Variants in MYL3 observed in about 807,000 individuals in gnomAD.
The protein encoded by MYL3 is CMLC1.
Under a neutral mutation model 21.3 loss-of-function variants are expected in MYL3, and 11 were observed. That is an observed-to-expected ratio of 0.52 (90% CI 0.32 to 0.85). MYL3 has a LOEUF of 0.85. Among genes scored for constraint, MYL3 ranks in the 40% least tolerant of loss-of-function variants. MYL3 has a pLI of 0.03. For missense variants in MYL3, 206 were observed against 253.3 expected (o/e 0.81, Z 1.27); for synonymous variants, 88 against 91.6 (o/e 0.96, Z 0.22).
In MYL3 at chr3:46,861,980, T is replaced by C. The variant is rs999284088; in HGVS notation, c.130-993A>G. Among the ~76,000 whole-genome samples the C allele has an allele frequency of 2.0e-5, 3 of 152,186 alleles. No individual in the cohort carries two copies. Among genetic ancestry groups the C allele is most frequent in the Non-Finnish European group, 4.4e-5 (3 of 68,020 alleles). Reference sequence around the variant, plus strand: ...ACCCAGTGTTGGGAAGAACAGGTTGTCATTCCTGGCTCCCTGAGAGCTCTC... The same window carrying C: ...ACCCAGTGTTGGGAAGAACAGGTTGCCATTCCTGGCTCCCTGAGAGCTCTC... On this transcript the variant is annotated intron_variant, in intron 1 of 6. Transcript: ENST00000292327. The surrounding 1 kb of genome is among the most constrained non-coding windows in gnomAD (Gnocchi z 4.2).
Position 46,874,144 on chromosome 3 carries a change from C to T in MYL3, c.-217-7544G>A, listed in dbSNP as rs1217190759. Among the ~76,000 whole-genome samples, 2 of 152,220 alleles carry T rather than the reference C, an allele frequency of 1.3e-5. No individual in the cohort carries two copies. Among genetic ancestry groups the T allele is most frequent in the Non-Finnish European group, 2.9e-5 (2 of 68,042 alleles). On this transcript the variant is annotated intron_variant, in intron 1 of 3. Transcript: ENST00000431168. The surrounding 1 kb of genome is among the most constrained non-coding windows in gnomAD (Gnocchi z 4.1). Reference sequence around the variant, plus strand: ...TCTCTGGATGTCGCTTTCCCATACACGGTTTTATAAACTTCCCTGAGTGCT... The same window carrying T: ...TCTCTGGATGTCGCTTTCCCATACATGGTTTTATAAACTTCCCTGAGTGCT...
At position 46,874,481 on chromosome 3, in the gene MYL3, A is replaced by T. The variant is rs545744810; in HGVS notation, c.-218+7593T>A. ...CTCCCGGCCACAGCCCCCGGCAAGG[A>T]CCCAGTGTCTGAGCTAACCCCCTCC... On this transcript the variant is annotated intron_variant, in intron 1 of 3. Transcript: ENST00000431168. The surrounding 1 kb of genome is among the most constrained non-coding windows in gnomAD (Gnocchi z 4.1). 9.9e-3 allele frequency among the ~76,000 whole-genome samples: 1,499 copies of T among 152,162 alleles called. 12 individuals carry two copies. The highest frequency in any genetic ancestry group is 0.018 in the Non-Finnish European group (1,211 of 67,990).
chr3:46,875,794 CGT>C (rs2030175975), intron 1 of MYL3, among the ~76,000 whole-genome samples: 1 of 152,250 alleles, frequency 6.6e-6, no homozygotes, highest in South Asian at 2.1e-4. Flanking sequence ...GGCATCCAGG[CGT>C]TCTGAACCTC....
intron 1 of MYL3, among the ~76,000 whole-genome samples, chr3:46,862,193 T>C (rs537164019): frequency 6.6e-6 from 1 of 152,324 alleles, no homozygotes; most frequent in African/African-American, 2.4e-5. Context: ...GCCGTGGCTG[T>C]GGTCACAGCC....
At position 46,875,261 on chromosome 3, in the gene MYL3, C is replaced by T. The variant is rs538447212; in HGVS notation, c.-218+6813G>A. The stretch of plus-strand genomic sequence containing the variant: ...ACACTGAGGGATGCAGACCTGAGGG[C>T]CCCATCCCTCAGCATCCAATCCCAG... On this transcript the variant is annotated intron_variant, in intron 1 of 3. Coordinates refer to the MYL3 transcript ENST00000431168. Among the ~76,000 whole-genome samples the T allele has an allele frequency of 3.9e-5, 6 of 152,288 alleles. No individual in the cohort carries two copies. The South Asian group carries it at 1.2e-3, about 32-fold the overall frequency.
In MYL3 at chr3:46,860,165, G is replaced by A. The variant is rs941220348; in HGVS notation, c.307+511C>T. Among the ~76,000 whole-genome samples, 7 of 150,748 alleles carry A rather than the reference G, an allele frequency of 4.6e-5. No individual in the cohort carries two copies. The highest frequency in any genetic ancestry group is 5.9e-5 in the Non-Finnish European group (4 of 67,810). On this transcript the variant is annotated intron_variant, in intron 3 of 6. Transcript: ENST00000292327. The surrounding 1 kb of genome is among the most constrained non-coding windows in gnomAD (Gnocchi z 4.6). ...TTTAGACACGAGGTCTTCTTGTTAC[G>A]TCACACAGACTGGAGTACAGTGGTG...
chr3:46,872,484 C>A (rs555492612), intron 1 of MYL3, among the ~76,000 whole-genome samples: 133 of 151,934 alleles, frequency 8.8e-4, no homozygotes, highest in African/African-American at 3.2e-3. Flanking sequence ...GCTCGTGGCC[C>A]CTGCCCCACC....
chr3:46,868,653 G>A (rs1702073292), intron 1 of MYL3, among the ~76,000 whole-genome samples: 1 of 152,192 alleles, frequency 6.6e-6, no homozygotes, highest in African/African-American at 2.4e-5. Context: ...GGAGGGGTGG[G>A]CAGGCAGAAG....
chr3:46,872,167 C>T (rs975216105), intron 1 of MYL3, among the ~76,000 whole-genome samples: 2 of 152,210 alleles, frequency 1.3e-5, no homozygotes, highest in East Asian at 3.8e-4. Context: ...TCAGCCTGTG[C>T]CCCTGGCCAG....
At position 46,871,454 on chromosome 3, in the gene MYL3, G is replaced by A. The variant is rs546488777; in HGVS notation, c.-217-4854C>T. Among the ~76,000 whole-genome samples the A allele has an allele frequency of 4.6e-5, 7 of 152,214 alleles. No individual in the cohort carries two copies. In the South Asian group the frequency reaches 8.3e-4, roughly 18 times the overall value. On this transcript the variant is annotated intron_variant, in intron 1 of 3. Transcript: ENST00000431168. ...TGGCACATCCGGGCCAGATAAGGAC[G>A]GGGTCAGAGCTTGGCTCTCGTGGGA...
Position 46,859,332 on chromosome 3 carries a change from A to G in MYL3, c.481+143T>C. ...TTGCTTTACTCTCCTCCTAAGTAACATTTCTGTTGTCTGCCATTGAGGCTC... is the reference window on the plus strand; with the variant it reads ...TTGCTTTACTCTCCTCCTAAGTAACGTTTCTGTTGTCTGCCATTGAGGCTC... On this transcript the variant is annotated intron_variant, in intron 4 of 6. Coordinates refer to ENST00000292327, the MANE Select transcript of MYL3 (RefSeq NM_000258.3). This position sits in a 1 kb window ranked among gnomAD's most constrained non-coding sequence, Gnocchi z 4.1. 9.4e-7 allele frequency: 1 copy of G among 1,063,208 alleles called. No individual in the cohort carries two copies. Among genetic ancestry groups the G allele is most frequent in the African/African-American group, 1.6e-5 (1 of 64,292 alleles). The allele number at this position is 1,063,208 out of a possible 1,614,324, so 65.9% of individuals were successfully genotyped here.
upstream of MYL3, among the ~76,000 whole-genome samples, chr3:46,868,251 C>G (rs1702068132): frequency 6.6e-6 from 1 of 152,210 alleles, no homozygotes; most frequent in East Asian, 1.9e-4. Context: ...GTCCCTGCTC[C>G]TCTTGGCCTC....
At position 46,874,263 on chromosome 3, in the gene MYL3, C is replaced by G. The variant is rs2030069601; in HGVS notation, c.-217-7663G>C. Among the ~76,000 whole-genome samples, 2 of 152,194 alleles carry G rather than the reference C, an allele frequency of 1.3e-5. No individual in the cohort carries two copies. Among genetic ancestry groups the G allele is most frequent in the South Asian group, 4.1e-4 (2 of 4,832 alleles). On this transcript the variant is annotated intron_variant, in intron 1 of 3. Coordinates refer to the MYL3 transcript ENST00000431168. The surrounding 1 kb of genome is among the most constrained non-coding windows in gnomAD (Gnocchi z 4.1). ...TGGCCAGGCAGACACAACCCTGATTCCAGCCCTAGAGACATTCCCAGTGTC... is the reference window on the plus strand; with the variant it reads ...TGGCCAGGCAGACACAACCCTGATTGCAGCCCTAGAGACATTCCCAGTGTC...
upstream of MYL3, among the ~76,000 whole-genome samples, chr3:46,866,851 C>T (rs1161106614): frequency 2.0e-5 from 3 of 152,280 alleles, no homozygotes; most frequent in East Asian, 5.8e-4. Context: ...CCAATTCAGG[C>T]GTGCTCTTCA....
intron 1 of MYL3, among the ~76,000 whole-genome samples, chr3:46,881,729 A>T (rs946538600): frequency 4.0e-5 from 6 of 151,120 alleles, no homozygotes; most frequent in Non-Finnish European, 8.9e-5. Flanking sequence ...GTGGGGCTGG[A>T]CGTGGGGGAG....
chr3:46,860,455 C>G lies in MYL3; in HGVS notation c.307+221G>C, dbSNP rs1382396412. Among the ~76,000 whole-genome samples, 2 of 152,190 alleles carry G rather than the reference C, an allele frequency of 1.3e-5. No homozygotes were observed. Among genetic ancestry groups the G allele is most frequent in the Non-Finnish European group, 2.9e-5 (2 of 68,024 alleles). On this transcript the variant is annotated intron_variant, in intron 3 of 6. Coordinates refer to ENST00000292327, the MANE Select transcript of MYL3 (RefSeq NM_000258.3). The surrounding 1 kb of genome is among the most constrained non-coding windows in gnomAD (Gnocchi z 4.6). ...CTTCTCCATAGGTGTCAGCGCCTACCACCAGGGGGCCTGGCAAATCAGCAT... is the reference window on the plus strand; with the variant it reads ...CTTCTCCATAGGTGTCAGCGCCTACGACCAGGGGGCCTGGCAAATCAGCAT...
chr3:46,873,727 C>T (rs2030030177), intron 1 of MYL3, among the ~76,000 whole-genome samples: 1 of 152,190 alleles, frequency 6.6e-6, no homozygotes, highest in Admixed American at 6.5e-5. Context: ...ACAGCCCCCA[C>T]ACCAGCTCAG....
At chr3:46,870,461 C>G (rs1407791130) in intron 1 of MYL3, among the ~76,000 whole-genome samples, 1 of 149,640 alleles carries the variant, frequency 6.7e-6, no homozygotes, top group Non-Finnish European at 1.5e-5. Flanking sequence ...CCCTTGCAGA[C>G]CCCACCTAGC....
chr3:46,874,175 T>C lies in MYL3; in HGVS notation c.-217-7575A>G, dbSNP rs1212291375. Among the ~76,000 whole-genome samples the C allele has an allele frequency of 6.6e-6, 1 of 152,102 alleles. No individual in the cohort carries two copies. Among genetic ancestry groups the C allele is most frequent in the Non-Finnish European group, 1.5e-5 (1 of 68,014 alleles). Reference sequence around the variant, plus strand: ...TATAAACTTCCCTGAGTGCTTCCCCTCTCCAGCCAGTTCAGCCAATGTCCA... The same window carrying C: ...TATAAACTTCCCTGAGTGCTTCCCCCCTCCAGCCAGTTCAGCCAATGTCCA... On this transcript the variant is annotated intron_variant, in intron 1 of 3. Coordinates refer to the MYL3 transcript ENST00000431168. This position sits in a 1 kb window ranked among gnomAD's most constrained non-coding sequence, Gnocchi z 4.1.
Sources: allele counts gnomAD v4.1 joint callset (sites outside exome capture counted in the v4.1 genomes callset), GRCh38; gene constraint gnomAD v4.1.1; non-coding constraint Gnocchi (gnomAD v3.1); transcripts MANE v1.5; gene names NCBI Gene and HGNC (gene_info 2026-07-23, HGNC 2026-07-21).